SGCD: variants seen among roughly 807,000 people sequenced by gnomAD.
The protein encoded by SGCD is sarcoglycan delta, also known as delta-sarcoglycan.
A neutral mutation model predicts 36.6 loss-of-function variants in SGCD; 18 were observed. The observed-to-expected ratio is 0.49, with a 90% CI of 0.34 to 0.73. SGCD has a LOEUF of 0.73. SGCD is among the 30% of genes least tolerant of loss of function. SGCD has a pLI of 0.01. For missense variants in SGCD, 387 were observed against 346.7 expected, an observed-to-expected ratio of 1.12 and a Z score of -0.92; for synonymous variants, 133 against 130.6, an observed-to-expected ratio of 1.02 and a Z score of -0.12.
At chr5:156,000,897 T>C (rs761293995) in intron 1 of SGCD, among the ~76,000 whole-genome samples, 2 of 152,096 alleles carry the variant, frequency 1.3e-5, no homozygotes, top group Non-Finnish European at 2.9e-5. Context: ...AGTTCCCAGG[T>C]GTTGCTGATG....
chr5:156,467,870 G>A (rs1308683950), intron 3 of SGCD, among the ~76,000 whole-genome samples: 2 of 152,192 alleles, frequency 1.3e-5, no homozygotes, highest in Admixed American at 6.5e-5. Context: ...ATCAACTTTG[G>A]ACTAAGGAAC....
intron 5 of SGCD, among the ~76,000 whole-genome samples, chr5:156,592,170 A>T (rs1018627942): frequency 7.0e-6 from 1 of 142,916 alleles, no homozygotes; most frequent in Non-Finnish European, 1.5e-5. Context: ...CAGGATGATG[A>T]TATTGCCCAG....
rs1279309234 is a variant in SGCD, at chr5:156,765,712, A to G, written c.*6322A>G. Reference sequence around the variant, plus strand: ...AACTGAGGCTTATAGTGGCTAAGAAACTTGCCCAAAGCCACTACCTAGAAA... The same window carrying G: ...AACTGAGGCTTATAGTGGCTAAGAAGCTTGCCCAAAGCCACTACCTAGAAA... On this transcript the variant is annotated 3_prime_UTR_variant, in exon 9 of 9. Coordinates refer to ENST00000337851, the MANE Select transcript of SGCD (RefSeq NM_000337.6). 1.3e-5 allele frequency: 2 copies of G among 152,138 alleles called. No homozygotes were observed. Among genetic ancestry groups the G allele is most frequent in the African/African-American group, 4.8e-5 (2 of 41,436 alleles). The allele number at this position is 152,138 out of a possible 1,614,324, so 9.4% of individuals were successfully genotyped here.
intron 3 of SGCD, among the ~76,000 whole-genome samples, chr5:156,217,704 G>A (rs144868537): frequency 1.3e-5 from 2 of 151,906 alleles, no homozygotes; most frequent in East Asian, 1.9e-4. Flanking sequence ...TTTTTAATCA[G>A]GCAGGGCATA....
chr5:155,949,072 C>A (rs1414589342), intron 1 of SGCD, among the ~76,000 whole-genome samples: 2 of 152,124 alleles, frequency 1.3e-5, no homozygotes, highest in Non-Finnish European at 2.9e-5. Context: ...AGAAACAAAA[C>A]ACTCCTTCTT....
chr5:156,391,929 C>T (rs558722586), intron 3 of SGCD, among the ~76,000 whole-genome samples: 35 of 152,290 alleles, frequency 2.3e-4, no homozygotes, highest in Admixed American at 2.0e-4. Flanking sequence ...TGTTGTGCCA[C>T]GTTTTAATTC....
At chr5:156,097,085 C>T (rs1446226221) in intron 1 of SGCD, among the ~76,000 whole-genome samples, 3 of 151,712 alleles carry the variant, frequency 2.0e-5, no homozygotes, top group African/African-American at 7.3e-5. Context: ...TGGCTTTTCC[C>T]TGTATGGAAT....
At chr5:155,881,327 G>T (rs997874823) in intron 1 of SGCD, among the ~76,000 whole-genome samples, 19 of 67,592 alleles carry the variant, frequency 2.8e-4, no homozygotes, top group African/African-American at 5.1e-4. Context: ...AATAAATAAA[G>T]AATATAGCAA....
At chr5:155,991,020 G>T (rs566416358) in intron 1 of SGCD, among the ~76,000 whole-genome samples, 2 of 152,284 alleles carry the variant, frequency 1.3e-5, no homozygotes, top group African/African-American at 4.8e-5. Flanking sequence ...CAGTGGTTCT[G>T]GGGTAGGGCT....
chr5:155,977,641 A>G (rs1033635752), intron 1 of SGCD, among the ~76,000 whole-genome samples: 7 of 152,310 alleles, frequency 4.6e-5, no homozygotes, highest in Middle Eastern at 3.4e-3. Flanking sequence ...CATCTGAAGG[A>G]TGAAAAAGAT....
intron 3 of SGCD, among the ~76,000 whole-genome samples, chr5:156,185,364 G>T (rs13159707): frequency 1.3e-5 from 2 of 151,394 alleles, no homozygotes; most frequent in Non-Finnish European, 1.5e-5. Flanking sequence ...ACAGGCGCCC[G>T]CCACCATGCC....
chr5:156,089,638 A>G (rs956366990), intron 1 of SGCD, among the ~76,000 whole-genome samples: 2 of 152,208 alleles, frequency 1.3e-5, no homozygotes, highest in Non-Finnish European at 2.9e-5. Flanking sequence ...GTGAGACTTG[A>G]GTGAAGTAAA....
At chr5:156,070,937 C>T (rs1439476183) in intron 1 of SGCD, among the ~76,000 whole-genome samples, 1 of 152,140 alleles carries the variant, frequency 6.6e-6, no homozygotes, top group Non-Finnish European at 1.5e-5. Context: ...TTGTAGTATT[C>T]TCTGATGGTA....
chr5:156,641,587 TAAGTA>T (rs557567519), intron 6 of SGCD, among the ~76,000 whole-genome samples: 4 of 152,338 alleles, frequency 2.6e-5, no homozygotes, highest in African/African-American at 9.6e-5. Context: ...CTTCCTTTAT[TAAGTA>T]AAGGCAATTT....
chr5:156,484,084 C>A (rs1755556738), intron 3 of SGCD, among the ~76,000 whole-genome samples: 1 of 152,142 alleles, frequency 6.6e-6, no homozygotes, highest in African/African-American at 2.4e-5. Flanking sequence ...ACATGTCAAG[C>A]CTAGACCTAA....
At chr5:156,560,485 T>C (rs1208678986) in intron 4 of SGCD, among the ~76,000 whole-genome samples, 3 of 152,166 alleles carry the variant, frequency 2.0e-5, no homozygotes, top group African/African-American at 7.2e-5. Flanking sequence ...TTCCATATGA[T>C]GATGGCATTA....
At chr5:155,782,737 A>T in the SGCD span, among the ~76,000 whole-genome samples, 2 of 152,150 alleles carry the variant, frequency 1.3e-5, no homozygotes, top group Non-Finnish European at 2.9e-5. Flanking sequence ...GTGGCATTAG[A>T]TTCTTACAGG....
Position 156,749,989 on chromosome 5 carries a change from A to C in SGCD, c.576-7592A>C, listed in dbSNP as rs566184356. ...CAAAAAAAATGAAATATTTTCAGAA[A>C]TATATAGAAAAGATAATACATAATG... is the stretch of plus-strand genomic sequence containing the variant. On this transcript the variant is annotated intron_variant, in intron 7 of 8. Coordinates refer to ENST00000337851, the MANE Select transcript of SGCD (RefSeq NM_000337.6). 4.6e-5 allele frequency among the ~76,000 whole-genome samples: 7 copies of C among 152,298 alleles called. No individual in the cohort carries two copies. In the South Asian group the frequency reaches 6.2e-4, roughly 14 times the overall value.
At chr5:155,830,267 C>T in the SGCD span, among the ~76,000 whole-genome samples, 1 of 152,088 alleles carries the variant, frequency 6.6e-6, no homozygotes. Flanking sequence ...TCCTGAGGCC[C>T]CTCTCCTTGT....
Sources: gnomAD v4.1 joint callset for allele counts (sites outside exome capture counted in the v4.1 genomes callset) on GRCh38, gnomAD v4.1.1 for gene constraint, MANE v1.5 for transcripts, NCBI Gene and HGNC (gene_info 2026-07-23, HGNC 2026-07-21) for gene names.